Variants in URB1 observed in about 807,000 individuals in gnomAD.
The protein encoded by URB1 is nucleolar pre-ribosomal-associated protein 1.
In URB1, 197 loss-of-function variants were observed where a neutral mutation model predicts 242.3. The ratio of observed to expected loss-of-function variants is 0.81; its 90% CI spans 0.72 to 0.91. The LOEUF is 0.91. URB1 is among the 40% of genes least tolerant of loss of function. The pLI, the probability that URB1 is intolerant of heterozygous loss-of-function variation, is 0.00. For synonymous variants in URB1, 1,153 were observed against 1,201.8 expected (o/e 0.96, Z 0.84); for missense variants, 2,721 against 2,860.5 (o/e 0.95, Z 1.11).
intron 26 of URB1, 121 bp from the exon 27 acceptor site, chr21:32,337,635 G>T: frequency 1.4e-6 from 1 of 707,126 alleles, no homozygotes; most frequent in African/African-American, 1.8e-5. Context: ...GAATAATACT[G>T]GTGTTTGGAC....
intron 36 of URB1, 28 bp from the exon 37 acceptor site, chr21:32,317,945 A>C (rs1240880101): frequency 6.5e-6 from 10 of 1,549,700 alleles, no homozygotes; most frequent in African/African-American, 2.7e-5. Context: ...TTACAGACTG[A>C]GCAAAGGCTG....
At position 32,316,653 on chromosome 21, in the gene URB1, T is replaced by C; in HGVS notation, c.6447A>G (p.Ile2149Met). Reference sequence around the variant, plus strand: ...CACAGAGCCGGCTATACAGCCTGAATATGCTGCTCCTCACGGCACTGTCCT... The same window carrying C: ...CACAGAGCCGGCTATACAGCCTGAACATGCTGCTCCTCACGGCACTGTCCT... Reference protein sequence around the residue: ...LLKDSAVRSSIFRLYSRLCGA... With the variant: ...LLKDSAVRSSMFRLYSRLCGA... The change falls in exon 38 of 39, where the codon ATA becomes ATG. Residue 2149 changes from isoleucine (I) to methionine (M), a missense_variant. By Grantham distance (10) the Ile-to-Met change is conservative. Coordinates refer to ENST00000382751, the MANE Select transcript of URB1 (RefSeq NM_014825.3). The C allele has an allele frequency of 6.4e-7, 1 of 1,551,526 alleles. No individual in the cohort carries two copies. The highest frequency in any genetic ancestry group is 8.7e-7 in the Non-Finnish European group (1 of 1,146,956).
At chr21:32,380,288 C>T (rs1001680072) in intron 4 of URB1, among the ~76,000 whole-genome samples, 1 of 152,222 alleles carries the variant, frequency 6.6e-6, no homozygotes, top group Non-Finnish European at 1.5e-5. Flanking sequence ...AGGCCTTGCA[C>T]ACTCATTACA....
In URB1 at chr21:32,312,249, G is replaced by C. The variant is rs1244556929; in HGVS notation, c.*2669C>G. 13 of 1,414,948 alleles carry C rather than the reference G, an allele frequency of 9.2e-6. No individual in the cohort carries two copies. The highest frequency in any genetic ancestry group is 9.2e-7 in the Non-Finnish European group (1 of 1,087,342). 87.6% of individuals were successfully genotyped at this position (1,414,948 alleles called of 1,614,324 possible). On this transcript the variant is annotated 3_prime_UTR_variant, in exon 39 of 39. Coordinates refer to ENST00000382751, the MANE Select transcript of URB1 (RefSeq NM_014825.3). Reference sequence around the variant, plus strand: ...TTGCTTACTGCTTATATTTGCTCAGGGAAGAGTAGGAAAATAAAATATATG... The same window carrying C: ...TTGCTTACTGCTTATATTTGCTCAGCGAAGAGTAGGAAAATAAAATATATG...
Position 32,375,371 on chromosome 21 carries a change from C to G in URB1, c.750+27G>C, listed in dbSNP as rs889321835. ...TCCATTCCCAAGGGAAAACAGACAA[C>G]AGAAACGCGGATCACCAAGCACATA... On this transcript the variant is annotated intron_variant, in intron 6 of 38. Transcript: ENST00000382751. 8 of 1,412,786 alleles carry G rather than the reference C, an allele frequency of 5.7e-6. No individual in the cohort carries two copies. The Admixed American group carries it at 1.5e-4, about 27-fold the overall frequency. The allele number at this position is 1,412,786 out of a possible 1,614,324, so 87.5% of individuals were successfully genotyped here. A position where few individuals can be genotyped will look rare whatever the true frequency, so the allele number is the denominator to read the frequency against.
intron 32 of URB1, among the ~76,000 whole-genome samples, chr21:32,323,785 C>G (rs907963906): frequency 6.6e-6 from 1 of 151,996 alleles, no homozygotes; most frequent in African/African-American, 2.4e-5. Context: ...CCAGTCTGGG[C>G]AACATAATGA....
In URB1 at chr21:32,372,591, A is replaced by C; in HGVS notation, c.917T>G (p.Leu306Arg). 6.4e-7 allele frequency: 1 copy of C among 1,551,660 alleles called. No individual in the cohort carries two copies. Among genetic ancestry groups the C allele is most frequent in the Non-Finnish European group, 8.7e-7 (1 of 1,146,988 alleles). ...AAGATCCATCAGGAAGTTATGAACA[A>C]GCTCCCGCACCATGGTTTTCCCTGC... is the stretch of plus-strand genomic sequence containing the variant. ...EEAGKTMVRE[L>R]VHNFLMDLCC... is the part of the protein sequence containing the mutation. The change falls in exon 8 of 39, where the codon CTT becomes CGT. Residue 306 changes from leucine (L) to arginine (R), a missense_variant. Leu to Arg is a moderately radical substitution (Grantham distance 102, BLOSUM62 -2). Transcript: ENST00000382751.
Position 32,311,968 on chromosome 21 carries a change from G to T in URB1, c.*2950C>A. ...AGCAAGCCCAGCGAGCCTCCCCCTGGAGACAGGACCTCTCAATTGCAGAGC... is the reference window on the plus strand; with the variant it reads ...AGCAAGCCCAGCGAGCCTCCCCCTGTAGACAGGACCTCTCAATTGCAGAGC... On this transcript the variant is annotated 3_prime_UTR_variant, in exon 39 of 39. Coordinates refer to ENST00000382751, the MANE Select transcript of URB1 (RefSeq NM_014825.3). The T allele has an allele frequency of 6.2e-7, 1 of 1,613,452 alleles. No individual in the cohort carries two copies. Among genetic ancestry groups the T allele is most frequent in the Non-Finnish European group, 8.5e-7 (1 of 1,180,046 alleles).
Position 32,352,740 on chromosome 21 carries a change from G to C in URB1, c.2583C>G (p.Leu861=), listed in dbSNP as rs1462545312. 1 of 1,551,600 alleles carries C rather than the reference G, an allele frequency of 6.4e-7. No individual in the cohort carries two copies. The highest frequency in any genetic ancestry group is 1.4e-5 in the African/African-American group (1 of 73,158). The change falls in exon 19 of 39, where the codon CTC becomes CTG. Residue 861 remains leucine (L), a synonymous_variant. Transcript: ENST00000382751. Reference sequence around the variant, plus strand: ...CCTCTCGGGCTTGCTCCGGGATCCAGAGGCTGTAGTATCTGTTAAACCGTG... The same window carrying C: ...CCTCTCGGGCTTGCTCCGGGATCCACAGGCTGTAGTATCTGTTAAACCGTG... ...QLSRFNRYYS[L]WIPEQAREAW... is the part of the protein sequence containing the mutation.
intron 2 of URB1, 132 bp from the exon 3 acceptor site, chr21:32,384,596 G>T: frequency 8.3e-7 from 1 of 1,205,124 alleles, no homozygotes; most frequent in Non-Finnish European, 1.1e-6. Flanking sequence ...CGCCCACCCA[G>T]ATCCTGAGTC....
intron 6 of URB1, 117 bp downstream of exon 6, chr21:32,375,281 A>G (rs887682983): frequency 3.3e-6 from 2 of 598,820 alleles, no homozygotes; most frequent in African/African-American, 3.9e-5. Flanking sequence ...CACTCAACCA[A>G]TACAACAATC....
At chr21:32,385,243 T>G (rs752759988) in intron 2 of URB1, among the ~76,000 whole-genome samples, 1 of 152,210 alleles carries the variant, frequency 6.6e-6, no homozygotes, top group South Asian at 2.1e-4. Context: ...TGACACCACA[T>G]GTTTATGTGT....
chr21:32,322,388 A>C, intron 33 of URB1, 90 bp downstream of exon 33: 6 of 1,166,242 alleles, frequency 5.1e-6, no homozygotes, highest in African/African-American at 1.5e-5. Flanking sequence ...TGCAGCATAC[A>C]GGATCCATGG....
In URB1 at chr21:32,354,095, C is replaced by T. The variant is rs550967918; in HGVS notation, c.2254G>A (p.Asp752Asn). 1.1e-5 allele frequency: 17 copies of T among 1,551,620 alleles called. No individual in the cohort carries two copies. The African/African-American group carries it at 1.4e-4, about 12-fold the overall frequency. The change falls in exon 18 of 39, where the codon GAC (aspartate) becomes AAC (asparagine). Residue 752 changes from aspartate (D) to asparagine (N), a missense_variant. Physicochemically the swap from Asp to Asn is conservative, Grantham distance 23. Transcript: ENST00000382751. ...CCCTCCACCAGGACATCCACCATGT[C>T]GAGAACATCTGAGACAGAAAGAGGA... ...IPISHIDDVL[D>N]MVDVLVEGSE...
intron 1 of URB1, among the ~76,000 whole-genome samples, chr21:32,386,877 C>T (rs1244053780): frequency 1.3e-5 from 2 of 152,128 alleles, no homozygotes; most frequent in Non-Finnish European, 2.9e-5. Flanking sequence ...GACTCCAATC[C>T]AGGCAGTCGG....
intron 1 of URB1, among the ~76,000 whole-genome samples, chr21:32,391,202 C>T (rs1209916194): frequency 2.1e-5 from 3 of 144,120 alleles, no homozygotes; most frequent in African/African-American, 5.2e-5. Context: ...GAACATCACA[C>T]ACCGGGGCCT....
At chr21:32,375,893 G>T (rs908952829) in intron 5 of URB1, among the ~76,000 whole-genome samples, 2 of 152,036 alleles carry the variant, frequency 1.3e-5, no homozygotes, top group African/African-American at 4.8e-5. Flanking sequence ...GGAGTTTGAG[G>T]TTGCAGTAAG....
intron 4 of URB1, 26 bp from the exon 5 acceptor site, chr21:32,378,567 TCACATGCATATTC>T (rs1269310833): frequency 6.5e-7 from 1 of 1,533,696 alleles, no homozygotes; most frequent in East Asian, 2.5e-5. Flanking sequence ...GACCTACATG[TCACATGCATATTC>T]CACATACAGC....
chr21:32,370,058 C>A (rs2033390692), intron 8 of URB1, among the ~76,000 whole-genome samples: 1 of 151,826 alleles, frequency 6.6e-6, no homozygotes, highest in Non-Finnish European at 1.5e-5. Context: ...ATCCCAGGAT[C>A]CACACAGCCA....
Sources: allele counts gnomAD v4.1 joint callset (sites outside exome capture counted in the v4.1 genomes callset), GRCh38; gene constraint gnomAD v4.1.1; transcripts MANE v1.5; gene names NCBI Gene and HGNC (gene_info 2026-07-23, HGNC 2026-07-21).